PAK6: variants seen among roughly 807,000 people sequenced by gnomAD.
PAK6 encodes the protein p21 (RAC1) activated kinase 6.
PAK6 carries 33 observed loss-of-function variants against 60.8 expected under a neutral mutation model. The observed-to-expected ratio is 0.54, with a 90% CI of 0.41 to 0.73. The LOEUF is 0.73. Ranked by LOEUF, PAK6 falls within the 30% of genes least tolerant of loss-of-function variation. The probability of loss-of-function intolerance (pLI) is 0.00; values close to 1 mark genes in which losing one functional copy is unlikely to be tolerated. For synonymous variants in PAK6, 404 were observed against 378.5 expected, an observed-to-expected ratio of 1.07 and a Z score of -0.78; for missense variants, 845 against 904.1, an observed-to-expected ratio of 0.93 and a Z score of 0.84.
At chr15:40,253,727 G>T (rs1485895989) in intron 3 of PAK6, among the ~76,000 whole-genome samples, 2 of 152,162 alleles carry the variant, frequency 1.3e-5, no homozygotes, top group African/African-American at 4.8e-5. Flanking sequence ...TGAAGCTGCC[G>T]CTCCACACAT....
chr15:40,263,862 C>T (rs770553170), intron 3 of PAK6: 11 of 454,866 alleles, frequency 2.4e-5, no homozygotes, highest in South Asian at 1.6e-4. Flanking sequence ...GGTGATCCAC[C>T]CGCCTCGGCC....
chr15:40,239,465 TC>T (rs1203322130), exon 1 of PAK6: 1 of 152,538 alleles, frequency 6.6e-6, no homozygotes. Flanking sequence ...TCCCGCCCCT[TC>T]TAGCTCTCCC....
chr15:40,272,574 C>T (rs2039337646), exon 6 of PAK6: 1 of 1,613,228 alleles, frequency 6.2e-7, no homozygotes, highest in African/African-American at 1.3e-5. Flanking sequence ...AGGGTGACCC[C>T]CGGCTGCTGC....
At chr15:40,269,614 A>T (rs927398741) in intron 5 of PAK6, among the ~76,000 whole-genome samples, 3 of 152,190 alleles carry the variant, frequency 2.0e-5, no homozygotes, top group Non-Finnish European at 4.4e-5. Flanking sequence ...GATTACATTG[A>T]TAAAAGCTCC....
chr15:40,265,736 G>A lies in PAK6; in HGVS notation c.205-106G>A. The A allele has an allele frequency of 3.9e-6, 4 of 1,022,612 alleles. No individual in the cohort carries two copies. The South Asian group carries it at 7.2e-5, about 18-fold the overall frequency. The allele number at this position is 1,022,612 out of a possible 1,614,324, so 63.3% of individuals were successfully genotyped here. On this transcript the variant is annotated intron_variant, in intron 4 of 10. Coordinates refer to ENST00000560346, the Ensembl canonical transcript of PAK6. ...ACACAGCAGGGAAGGTCCTTAGGTGGTCCTCCCCAGGGCCCCCAGGGACAT... is the reference window on the plus strand; with the variant it reads ...ACACAGCAGGGAAGGTCCTTAGGTGATCCTCCCCAGGGCCCCCAGGGACAT...
chr15:40,264,063 G>A (rs2140977104), intron 3 of PAK6: 2 of 409,544 alleles, frequency 4.9e-6, no homozygotes, highest in Middle Eastern at 3.5e-4. Context: ...GGCCTTTCTG[G>A]AATTGAGGTA....
At chr15:40,269,298 C>T (rs917731676) in intron 5 of PAK6, among the ~76,000 whole-genome samples, 8 of 152,222 alleles carry the variant, frequency 5.3e-5, no homozygotes, top group African/African-American at 1.7e-4. Flanking sequence ...GGATTACAGG[C>T]ACCTGAGCCA....
intron 3 of PAK6, among the ~76,000 whole-genome samples, chr15:40,253,749 G>T (rs1254013983): frequency 6.6e-6 from 1 of 152,200 alleles, no homozygotes; most frequent in African/African-American, 2.4e-5. Context: ...CCAGCCCACC[G>T]CTCATTCCCC....
upstream of PAK6, chr15:40,239,229 AG>A (rs2038248769): frequency 6.6e-6 from 1 of 152,156 alleles, no homozygotes; most frequent in South Asian, 2.1e-4. Context: ...CTCGCCTGCC[AG>A]GCAGCCCTGG....
chr15:40,263,267 TTCAAGAA>T lies in PAK6; in HGVS notation c.-5-1510_-5-1504del, dbSNP rs535744303. ...GCGGATGAGTAATCCAAGCTTTCAG[TTCAAGAA>T]TCATGTTTCAGTTTCTTGAAGCCTG... On this transcript the variant is annotated intron_variant, in intron 3 of 10. Transcript: ENST00000560346. 2.8e-3 allele frequency among the ~76,000 whole-genome samples: 433 copies of T among 152,312 alleles called. 3 individuals carry two copies. The highest frequency in any genetic ancestry group is 9.9e-3 in the African/African-American group (410 of 41,562).
exon 11 of PAK6, chr15:40,276,106 G>A (rs886881730): frequency 1.9e-6 from 3 of 1,611,982 alleles, no homozygotes. Context: ...CCCACCCCAA[G>A]TATGCCTGCC....
intron 3 of PAK6, among the ~76,000 whole-genome samples, chr15:40,263,315 G>A (rs924626553): frequency 6.6e-6 from 1 of 152,178 alleles, no homozygotes; most frequent in Non-Finnish European, 1.5e-5. Context: ...GACCTTTTCA[G>A]ATACATAAGA....
chr15:40,263,381 T>G (rs1160917748), intron 3 of PAK6, among the ~76,000 whole-genome samples: 1 of 152,164 alleles, frequency 6.6e-6, no homozygotes. Context: ...GAGGCAGCCC[T>G]GGCCCTGTCT....
At chr15:40,242,102 G>A (rs970886383) in intron 2 of PAK6, among the ~76,000 whole-genome samples, 3 of 152,204 alleles carry the variant, frequency 2.0e-5, no homozygotes, top group African/African-American at 7.2e-5. Flanking sequence ...GGTTGGGCCA[G>A]GAGGGAGCAG....
At position 40,264,929 on chromosome 15, in the gene PAK6, G is replaced by A. The variant is rs768086256; in HGVS notation, c.144G>A (p.Arg48=). 43 of 1,613,682 alleles carry A rather than the reference G, an allele frequency of 2.7e-5. No individual in the cohort carries two copies. The South Asian group carries it at 3.7e-4, about 14-fold the overall frequency. The change falls in exon 4 of 11, where the codon CGG becomes CGA. Residue 48 remains arginine, a synonymous_variant. Coordinates refer to ENST00000560346, the Ensembl canonical transcript of PAK6. The stretch of plus-strand genomic sequence containing the variant: ...GGCAGAACATCCTGGACACACTGCG[G>A]CGCCCCAAGCCCGTGGTGGACCCTT...
At chr15:40,260,203 C>T (rs1026139219) in intron 3 of PAK6, 3 of 152,098 alleles carry the variant, frequency 2.0e-5, no homozygotes, top group Non-Finnish European at 2.9e-5. Flanking sequence ...TACGGGTACC[C>T]GCCGTCACTC....
intron 3 of PAK6, 85 bp from the exon 4 acceptor site, chr15:40,264,695 AG>A: frequency 9.1e-7 from 1 of 1,093,104 alleles, no homozygotes; most frequent in Non-Finnish European, 1.4e-6. Flanking sequence ...GGGGGAGGGG[AG>A]GGAGCCCTGA....
chr15:40,248,380 C>T (rs188811862), intron 2 of PAK6, among the ~76,000 whole-genome samples: 2 of 152,342 alleles, frequency 1.3e-5, no homozygotes, highest in African/African-American at 4.8e-5. Context: ...CCAAGAGTGC[C>T]TCTCTCCCAG....
At chr15:40,249,448 T>G (rs777119927) in intron 2 of PAK6, among the ~76,000 whole-genome samples, 6 of 152,236 alleles carry the variant, frequency 3.9e-5, no homozygotes, top group Non-Finnish European at 8.8e-5. Flanking sequence ...CCAGGGTTCT[T>G]GTGAAGACTA....
Sources: gnomAD v4.1 joint callset for allele counts (sites outside exome capture counted in the v4.1 genomes callset) on GRCh38, gnomAD v4.1.1 for gene constraint, MANE v1.5 for transcripts, NCBI Gene and HGNC (gene_info 2026-07-23, HGNC 2026-07-21) for gene names.